The following KCNH7 variants were observed in gnomAD, a reference collection of about 807,000 sequenced individuals.
KCNH7 encodes voltage-gated inwardly rectifying potassium channel KCNH7.
KCNH7 carries 49 observed loss-of-function variants against 120.8 expected under a neutral mutation model. The ratio of observed to expected loss-of-function variants is 0.41; its 90% confidence interval spans 0.32 to 0.51. The LOEUF (loss-of-function observed/expected upper bound fraction) is 0.51, where lower values mean the gene tolerates loss of function less well. Among genes scored for constraint, KCNH7 ranks in the 20% least tolerant of loss-of-function variants. The probability of loss-of-function intolerance (pLI) is 0.38; values close to 1 mark genes in which losing one functional copy is unlikely to be tolerated. For synonymous variants in KCNH7, 547 were observed against 516.1 expected (o/e 1.06, Z -0.81); for missense variants, 1,097 against 1,446.6 (o/e 0.76, Z 3.92).
intron 5 of KCNH7, among the ~76,000 whole-genome samples, chr2:162,507,736 G>A (rs1410675006): frequency 6.6e-6 from 1 of 151,412 alleles, no homozygotes; most frequent in Non-Finnish European, 1.5e-5. Context: ...TCATTTATAA[G>A]AATACCATAC....
chr2:162,701,924 A>G lies in KCNH7; in HGVS notation c.307+134613T>C, dbSNP rs181662639. 1.6e-3 allele frequency among the ~76,000 whole-genome samples: 246 copies of G among 151,910 alleles called. 3 individuals carry two copies. Among genetic ancestry groups the G allele is most frequent in the Non-Finnish European group, 1.0e-3 (70 of 67,946 alleles). ...TGGGAGGTTGAGGCAGGAAAATTGC[A>G]TGAACTTGGGAGGCGGAGGTTGCAG... is the stretch of plus-strand genomic sequence containing the variant. On this transcript the variant is annotated intron_variant, in intron 2 of 15. Transcript: ENST00000332142.
chr2:162,380,171 C>T (rs1159298741), intron 13 of KCNH7, 150 bp from the exon 14 acceptor site: 10 of 861,750 alleles, frequency 1.2e-5, no homozygotes, highest in East Asian at 2.7e-5. Context: ...CCAGGGGCCA[C>T]GGCCAGTTGG....
At chr2:162,834,270 T>A (rs1411469874) in intron 2 of KCNH7, among the ~76,000 whole-genome samples, 1 of 152,096 alleles carries the variant, frequency 6.6e-6, no homozygotes, top group East Asian at 1.9e-4. Context: ...ACAAGTTTAT[T>A]ACTTTCAAAG....
At chr2:162,374,025 C>T (rs974747429) in intron 14 of KCNH7, among the ~76,000 whole-genome samples, 1 of 152,124 alleles carries the variant, frequency 6.6e-6, no homozygotes, top group African/African-American at 2.4e-5. Flanking sequence ...TTCTTGTGAA[C>T]ATTTTATTTG....
At chr2:162,397,049 C>T (rs1369860980) in intron 10 of KCNH7, 104 bp from the exon 11 acceptor site, 2 of 747,076 alleles carry the variant, frequency 2.7e-6, no homozygotes, top group Non-Finnish European at 4.4e-6. Context: ...AATCCCTGAA[C>T]CAGACTTGGT....
chr2:162,561,671 T>C (rs1693070444), intron 2 of KCNH7, among the ~76,000 whole-genome samples: 2 of 152,168 alleles, frequency 1.3e-5, no homozygotes, highest in Non-Finnish European at 2.9e-5. Context: ...CATATGTTCG[T>C]TGGTTGCATA....
At chr2:162,421,387 A>G (rs1408831336) in intron 9 of KCNH7, among the ~76,000 whole-genome samples, 3 of 152,192 alleles carry the variant, frequency 2.0e-5, no homozygotes, top group Non-Finnish European at 2.9e-5. Context: ...GGGAAATTGT[A>G]TATAAATATT....
At chr2:162,463,228 G>A (rs745513377) in intron 6 of KCNH7, among the ~76,000 whole-genome samples, 9 of 150,626 alleles carry the variant, frequency 6.0e-5, no homozygotes, top group Admixed American at 1.3e-4. Flanking sequence ...AATAGAAAGT[G>A]CCAGAATAGC....
At chr2:162,401,775 C>T (rs1200284594) in intron 9 of KCNH7, among the ~76,000 whole-genome samples, 1 of 151,782 alleles carries the variant, frequency 6.6e-6, no homozygotes, top group Admixed American at 6.6e-5. Context: ...GAATAGGGAG[C>T]ATTTTAGATA....
chr2:162,513,927 A>G (rs1691197383), intron 4 of KCNH7, among the ~76,000 whole-genome samples: 1 of 151,804 alleles, frequency 6.6e-6, no homozygotes, highest in Non-Finnish European at 1.5e-5. Context: ...AAATATTTTC[A>G]GATTTACTTT....
At chr2:162,423,911 G>T (rs1176966314) in intron 8 of KCNH7, among the ~76,000 whole-genome samples, 1 of 151,980 alleles carries the variant, frequency 6.6e-6, no homozygotes, top group South Asian at 2.1e-4. Context: ...TGAGGCAAAA[G>T]CATCTTTTAG....
chr2:162,578,653 G>C (rs377625372), intron 2 of KCNH7, among the ~76,000 whole-genome samples: 2 of 152,020 alleles, frequency 1.3e-5, no homozygotes, highest in African/African-American at 4.8e-5. Flanking sequence ...GTTTCGCCCT[G>C]GGCTAACTGG....
At chr2:162,573,748 G>T (rs1693573804) in intron 2 of KCNH7, among the ~76,000 whole-genome samples, 1 of 151,854 alleles carries the variant, frequency 6.6e-6, no homozygotes. Context: ...TATCCAACAT[G>T]TTGTTATGTT....
chr2:162,824,835 C>T (rs1038732571), intron 2 of KCNH7, among the ~76,000 whole-genome samples: 1 of 151,160 alleles, frequency 6.6e-6, no homozygotes, highest in Non-Finnish European at 1.5e-5. Context: ...TGCATCTCAG[C>T]AAAACTATAT....
At chr2:162,756,275 A>G (rs1402136287) in intron 2 of KCNH7, among the ~76,000 whole-genome samples, 1 of 152,146 alleles carries the variant, frequency 6.6e-6, no homozygotes, top group Non-Finnish European at 1.5e-5. Flanking sequence ...TGATGTACCA[A>G]TGTTCCAATT....
intron 2 of KCNH7, among the ~76,000 whole-genome samples, chr2:162,679,959 G>T (rs540938518): frequency 6.6e-6 from 1 of 151,660 alleles, no homozygotes; most frequent in South Asian, 2.1e-4. Flanking sequence ...TGGAACACAC[G>T]CCATATTTAA....
At chr2:162,564,025 C>T (rs1843553) in intron 2 of KCNH7, among the ~76,000 whole-genome samples, 94,511 of 151,532 alleles carry the variant, frequency 0.62, 30,676 homozygotes, top group African/African-American at 0.8. Flanking sequence ...ACTGGTACAA[C>T]TCAAAATTAT....
intron 2 of KCNH7, among the ~76,000 whole-genome samples, chr2:162,665,675 G>C (rs550313770): frequency 6.6e-6 from 1 of 152,158 alleles, no homozygotes; most frequent in South Asian, 2.1e-4. Context: ...TCATTCTTGG[G>C]TTGTTACTAA....
chr2:162,807,256 CAAAA>C (rs745345993), intron 2 of KCNH7, among the ~76,000 whole-genome samples: 1 of 15,628 alleles, frequency 6.4e-5, no homozygotes, highest in Non-Finnish European at 1.7e-4. Flanking sequence ...ACTAAAAATA[CAAAA>C]AAAAAAAAAA....
Sources: allele counts gnomAD v4.1 joint callset (sites outside exome capture counted in the v4.1 genomes callset), GRCh38; gene constraint gnomAD v4.1.1; transcripts MANE v1.5; gene names NCBI Gene and HGNC (gene_info 2026-07-23, HGNC 2026-07-21).